Variants in SLC5A8 observed in about 807,000 individuals in gnomAD.
SLC5A8 encodes solute carrier family 5 member 8.
In SLC5A8, 55 loss-of-function variants were observed where a neutral mutation model predicts 71.9. The ratio of observed to expected loss-of-function variants is 0.77; its 90% CI spans 0.62 to 0.96. SLC5A8 has a LOEUF of 0.96. Among genes scored for constraint, SLC5A8 ranks in the 40% least tolerant of loss-of-function variants. SLC5A8 has a pLI of 0.00. For synonymous variants in SLC5A8, 307 were observed against 276.1 expected (o/e 1.11, Z -1.11); for missense variants, 701 against 745.3 (o/e 0.94, Z 0.69).
At chr12:101,193,569 A>G (rs1869018466) in intron 5 of SLC5A8, 56 bp downstream of exon 5, 3 of 1,529,618 alleles carry the variant, frequency 2.0e-6, no homozygotes, top group Non-Finnish European at 2.6e-6. Flanking sequence ...CAATAAAGAG[A>G]TTATTTTTAT....
chr12:101,175,916 C>A (rs922033377), intron 10 of SLC5A8, among the ~76,000 whole-genome samples: 1 of 151,922 alleles, frequency 6.6e-6, no homozygotes, highest in Admixed American at 6.6e-5. Flanking sequence ...AACCACAGAA[C>A]AACTCACAGG....
intron 5 of SLC5A8, among the ~76,000 whole-genome samples, chr12:101,191,268 T>C (rs1321367347): frequency 6.6e-6 from 1 of 152,234 alleles, no homozygotes; most frequent in Non-Finnish European, 1.5e-5. Flanking sequence ...TCAACTTCCA[T>C]GTTTGAAAGA....
rs757203465 is a variant in SLC5A8 at position 101,158,290 on chromosome 12, TTAGTATGTATCTGG to T, written c.1655_1668del (p.Pro552HisfsTer10). The T allele has an allele frequency of 6.3e-7, 1 of 1,593,404 alleles. No homozygotes were observed. On this transcript the variant is annotated frameshift_variant, in exon 14 of 15. Coordinates refer to ENST00000536262, the MANE Select transcript of SLC5A8 (RefSeq NM_145913.5). LOFTEE classifies it high-confidence loss of function. ...AAATTGGATAAAAAGTCCTCTTTGG[TTAGTATGTATCTGG>T]GGTCTAAGTTCTGTTTTCTTCCTCC...
intron 3 of SLC5A8, among the ~76,000 whole-genome samples, chr12:101,197,877 C>A (rs1254821641): frequency 1.3e-5 from 2 of 152,112 alleles, no homozygotes; most frequent in African/African-American, 4.8e-5. Flanking sequence ...AAAAAGCACA[C>A]AATATACATT....
At chr12:101,166,929 G>C (rs2051778273) in intron 11 of SLC5A8, among the ~76,000 whole-genome samples, 1 of 151,956 alleles carries the variant, frequency 6.6e-6, no homozygotes, top group South Asian at 2.1e-4. Context: ...AAAAAGGAGT[G>C]AGAAAGGCCA....
chr12:101,158,503 C>T (rs1273157655), intron 13 of SLC5A8, among the ~76,000 whole-genome samples, 175 bp from the exon 14 acceptor site: 1 of 145,760 alleles, frequency 6.9e-6, no homozygotes, highest in Admixed American at 7.0e-5. Context: ...TTCCCCTTTC[C>T]TTAATTAGCC....
chr12:101,185,660 T>A (rs1396498324), intron 7 of SLC5A8, among the ~76,000 whole-genome samples: 1 of 152,032 alleles, frequency 6.6e-6, no homozygotes, highest in Admixed American at 6.5e-5. Context: ...CTCACTGCAA[T>A]CTCCACCTCC....
At chr12:101,171,580 A>G (rs2051830362) in intron 10 of SLC5A8, among the ~76,000 whole-genome samples, 1 of 152,128 alleles carries the variant, frequency 6.6e-6, no homozygotes, top group South Asian at 2.1e-4. Context: ...GATACAGTAG[A>G]TCTAGTGTCC....
intron 12 of SLC5A8, among the ~76,000 whole-genome samples, chr12:101,162,795 A>G (rs545936028): frequency 3.9e-5 from 6 of 152,248 alleles, no homozygotes; most frequent in Non-Finnish European, 8.8e-5. Context: ...CTGCACAGGT[A>G]TCTAAAATAA....
intron 10 of SLC5A8, among the ~76,000 whole-genome samples, chr12:101,172,708 G>A (rs958468604): frequency 2.0e-5 from 3 of 152,182 alleles, no homozygotes; most frequent in Non-Finnish European, 2.9e-5. Flanking sequence ...GACCTGAAGA[G>A]TGGTATAGGG....
In SLC5A8 at chr12:101,157,376, G is replaced by A; in HGVS notation, c.1736C>T (p.Ser579Leu). Reference protein sequence around the residue: ...KKKKHVLSYKSHPVEDGGTDN... With the variant: ...KKKKHVLSYKLHPVEDGGTDN... ...AGTTCCACCATCTTCCACTGGATGT[G>A]ATTTATAGCTCAAAACATGCTTCTT... is the stretch of plus-strand genomic sequence containing the variant. The change falls in exon 15 of 15, where the codon TCA (serine) becomes TTA (leucine). Residue 579 changes from serine (S) to leucine (L), a missense_variant. Transcript: ENST00000536262. The A allele has an allele frequency of 6.2e-7, 1 of 1,608,348 alleles. No individual in the cohort carries two copies. The highest frequency in any genetic ancestry group is 8.5e-7 in the Non-Finnish European group (1 of 1,176,822).
intron 9 of SLC5A8, 68 bp from the exon 10 acceptor site, chr12:101,180,164 TC>T: frequency 6.8e-7 from 1 of 1,462,838 alleles, no homozygotes; most frequent in Admixed American, 1.7e-5. Flanking sequence ...AATAGAATAA[TC>T]CACCACACCT....
chr12:101,163,654 G>A (rs1002045985), intron 12 of SLC5A8, among the ~76,000 whole-genome samples: 20 of 152,238 alleles, frequency 1.3e-4, no homozygotes, highest in Middle Eastern at 3.4e-3. Flanking sequence ...CTGAGACTCC[G>A]TCTCAAACAA....
intron 10 of SLC5A8, among the ~76,000 whole-genome samples, chr12:101,169,017 A>T (rs894977345): frequency 1.3e-5 from 2 of 152,220 alleles, no homozygotes; most frequent in African/African-American, 4.8e-5. Flanking sequence ...TGTTTTAAAT[A>T]GGCCTACTTC....
chr12:101,208,332 C>T lies in SLC5A8; in HGVS notation c.351+1166G>A, dbSNP rs568515402. On this transcript the variant is annotated intron_variant, in intron 1 of 14. Transcript: ENST00000536262. ...ACCAATGTTTGTTGTGCCGTTAAGG[C>T]CCTGTCCCCAGCACCAGTTGAACCA... Among the ~76,000 whole-genome samples the T allele has an allele frequency of 3.9e-5, 6 of 152,284 alleles. No individual in the cohort carries two copies. The East Asian group carries it at 1.2e-3, about 29-fold the overall frequency.
In SLC5A8 at chr12:101,168,170, C is replaced by T. The variant is rs369064667; in HGVS notation, c.1246G>A (p.Val416Ile). The change falls in exon 11 of 15, where the codon GTA (valine) becomes ATA (isoleucine). Residue 416 changes from valine (V) to isoleucine (I), a missense_variant. Transcript: ENST00000536262. The part of the protein sequence containing the change: ...MGALLQAALS[V>I]FGMVGGPLMG... ...AGTGGTCCACCAACCATACCAAATA[C>T]GCTGAGTGCTGCCTACAAAAATAAT... 7.0e-5 allele frequency: 113 copies of T among 1,605,662 alleles called. 1 individual carries two copies. The highest frequency in any genetic ancestry group is 1.4e-4 in the Admixed American group (8 of 59,012).
intron 7 of SLC5A8, 60 bp from the exon 8 acceptor site, chr12:101,184,282 C>A (rs1463860671): frequency 1.5e-6 from 2 of 1,341,314 alleles, no homozygotes; most frequent in Non-Finnish European, 2.1e-6. Flanking sequence ...TTAATGAATG[C>A]CTAGTTTATC....
At chr12:101,203,361 T>G (rs1208687115) in intron 2 of SLC5A8, among the ~76,000 whole-genome samples, 1 of 152,262 alleles carries the variant, frequency 6.6e-6, no homozygotes, top group Non-Finnish European at 1.5e-5. Flanking sequence ...TTCCTTTTTT[T>G]TTTTGAAACA....
At chr12:101,158,594 C>CTATATATATA (rs1566303459) in intron 13 of SLC5A8, among the ~76,000 whole-genome samples, 13 of 21,280 alleles carry the variant, frequency 6.1e-4, no homozygotes, top group Non-Finnish European at 7.8e-4. Context: ...CTCTCTCTCT[C>CTATATATATA]TCTCTATATA....
Sources: allele counts gnomAD v4.1 joint callset (sites outside exome capture counted in the v4.1 genomes callset), GRCh38; gene constraint gnomAD v4.1.1; transcripts MANE v1.5; gene names NCBI Gene and HGNC (gene_info 2026-07-23, HGNC 2026-07-21).